GNPDA1: variants seen among roughly 807,000 people sequenced by gnomAD.
GNPDA1 encodes glucosamine-6-phosphate deaminase 1, also known as GNPDA 1.
GNPDA1 carries 24 observed loss-of-function variants against 28.5 expected under a neutral mutation model. That is an observed-to-expected ratio of 0.84 (90% CI 0.61 to 1.19). The LOEUF is 1.19. Among genes scored for constraint, GNPDA1 ranks in the 50% most tolerant of loss-of-function variants. The probability of loss-of-function intolerance (pLI) is 0.00; values close to 1 mark genes in which losing one functional copy is unlikely to be tolerated. For synonymous variants in GNPDA1, 147 were observed against 139.3 expected, an observed-to-expected ratio of 1.06 and a Z score of -0.39; for missense variants, 264 against 367.3, an observed-to-expected ratio of 0.72 and a Z score of 2.30.
In GNPDA1 at chr5:142,004,725, G is replaced by T. The variant is rs549321879; in HGVS notation, c.594+207C>A. The stretch of plus-strand genomic sequence containing the variant: ...GCAGTCAGCCAAAGGCACCAAAAAC[G>T]TGCTCAAGGGATTCACCTCACACTG... On this transcript the variant is annotated intron_variant, in intron 5 of 6. Transcript: ENST00000311337. The T allele has an allele frequency of 2.8e-5, 12 of 431,068 alleles. No individual in the cohort carries two copies. The East Asian group carries it at 3.5e-4, about 13-fold the overall frequency. The allele number at this position is 431,068 out of a possible 1,614,324, so 26.7% of individuals were successfully genotyped here.
At chr5:142,009,309 G>C (rs1017225461) in intron 2 of GNPDA1, among the ~76,000 whole-genome samples, 3 of 151,678 alleles carry the variant, frequency 2.0e-5, no homozygotes, top group African/African-American at 7.3e-5. Context: ...TTATTCTAAG[G>C]CTCCACAGAA....
Position 142,003,041 on chromosome 5 carries a change from C to A in GNPDA1, c.769+47G>T. The A allele has an allele frequency of 6.6e-7, 1 of 1,518,796 alleles. No homozygotes were observed. Among genetic ancestry groups the A allele is most frequent in the Non-Finnish European group, 9.0e-7 (1 of 1,109,958 alleles). 94.1% of individuals were successfully genotyped at this position (1,518,796 alleles called of 1,614,324 possible). ...AGCTGGATCTACTCCTTACTCCTAG[C>A]ACACCCTAAGCTTGACCACCTCCTC... On this transcript the variant is annotated intron_variant, in intron 6 of 6. Transcript: ENST00000311337. The surrounding 1 kb of genome is among the most constrained non-coding windows in gnomAD (Gnocchi z 4.0).
intron 2 of GNPDA1, among the ~76,000 whole-genome samples, chr5:142,010,901 A>G (rs1369226314): frequency 6.6e-6 from 1 of 152,098 alleles, no homozygotes; most frequent in East Asian, 1.9e-4. Context: ...TTCAAACTTC[A>G]GTGTCCATAC....
In GNPDA1 at chr5:142,005,112, G is replaced by A. The variant is rs202180877; in HGVS notation, c.414C>T (p.Ile138=). ...TGAAGGCAATGTGTCCATCAGGGCC[G>A]ATGCCTATAGGGAGAGAGCCCGTGC... ...AGGIELFVGG[I]GPDGHIAFNE... The change falls in exon 5 of 7, where the codon ATC becomes ATT. Residue 138 remains isoleucine, a synonymous_variant. Coordinates refer to ENST00000311337, the MANE Select transcript of GNPDA1 (RefSeq NM_005471.5). 68 of 1,601,102 alleles carry A rather than the reference G, an allele frequency of 4.2e-5. No individual in the cohort carries two copies. The Middle Eastern group carries it at 5.0e-4, about 12-fold the overall frequency.
intron 2 of GNPDA1, among the ~76,000 whole-genome samples, chr5:142,009,446 A>G (rs1755890622): frequency 6.6e-6 from 1 of 151,814 alleles, no homozygotes; most frequent in African/African-American, 2.4e-5. Flanking sequence ...CATCTAACAT[A>G]CTCTATATTT....
chr5:142,010,659 A>G (rs1450773435), intron 2 of GNPDA1, among the ~76,000 whole-genome samples: 1 of 150,952 alleles, frequency 6.6e-6, no homozygotes, highest in Non-Finnish European at 1.5e-5. Context: ...GACTACAGGC[A>G]TGTGCCACCA....
Position 142,006,242 on chromosome 5 carries a change from G to A in GNPDA1, c.311C>T (p.Thr104Ile), listed in dbSNP as rs1755801358. The change falls in exon 4 of 7, where the codon ACC becomes ATC. Residue 104 changes from threonine (T) to isoleucine (I), a missense_variant. Physicochemically the swap from Thr to Ile is moderately conservative, Grantham distance 89 (BLOSUM62 -1). Transcript: ENST00000311337. Reference protein sequence around the residue: ...FKHIDIHPENTHILDGNAVDL... With the variant: ...FKHIDIHPENIHILDGNAVDL... ...GACTGCATTCCCATCCAGAATGTGG[G>A]TGTTTTCTGGGTGGATGTCAATGTG... is the stretch of plus-strand genomic sequence containing the variant. 1.2e-6 allele frequency: 2 copies of A among 1,613,410 alleles called. No homozygotes were observed. Among genetic ancestry groups the A allele is most frequent in the Non-Finnish European group, 8.5e-7 (1 of 1,179,292 alleles).
intron 1 of GNPDA1, 137 bp from the exon 2 acceptor site, chr5:142,012,178 CTAT>C (rs147294175): frequency 0.066 from 55,482 of 846,620 alleles, 2,295 homozygotes; most frequent in Non-Finnish European, 0.079. Context: ...AAAGGCCTTT[CTAT>C]TCACAGAGGA....
chr5:142,002,314 A>G (rs1418049195), intron 6 of GNPDA1, among the ~76,000 whole-genome samples, 185 bp from the exon 7 acceptor site: 1 of 152,208 alleles, frequency 6.6e-6, no homozygotes, highest in African/African-American at 2.4e-5. Flanking sequence ...TGAGTACTAC[A>G]TTCATGGAAC....
chr5:142,010,980 C>T (rs896862146), intron 2 of GNPDA1, among the ~76,000 whole-genome samples: 1 of 151,866 alleles, frequency 6.6e-6, no homozygotes, highest in Non-Finnish European at 1.5e-5. Flanking sequence ...GACAGGGTCT[C>T]ACTGTCACCC....
At chr5:142,008,619 C>T (rs368768126) in intron 2 of GNPDA1, among the ~76,000 whole-genome samples, 23 of 152,094 alleles carry the variant, frequency 1.5e-4, no homozygotes, top group South Asian at 4.1e-4. Flanking sequence ...CCCAGCTACT[C>T]GGGAGGCTGA....
In GNPDA1 at chr5:142,004,931, C is replaced by A. The variant is rs1450407189; in HGVS notation, c.594+1G>T. The A allele has an allele frequency of 6.3e-7, 1 of 1,591,602 alleles. No homozygotes were observed. Among genetic ancestry groups the A allele is most frequent in the Admixed American group, 1.7e-5 (1 of 59,532 alleles). On this transcript the variant is annotated splice_donor_variant, in intron 5 of 6. Transcript: ENST00000311337. LOFTEE classifies it high-confidence loss of function. Reference sequence around the variant, plus strand: ...AGCTGGTGGGGCCCTTATGCCCTTACCTCTCTAGCATCCATGACAGTGCCC... The same window carrying A: ...AGCTGGTGGGGCCCTTATGCCCTTAACTCTCTAGCATCCATGACAGTGCCC...
rs980956769 is a variant in GNPDA1 at position 142,003,483 on chromosome 5, C to A, written c.595-221G>T. Among the ~76,000 whole-genome samples the A allele has an allele frequency of 6.6e-6, 1 of 152,178 alleles. No homozygotes were observed. On this transcript the variant is annotated intron_variant, in intron 5 of 6. Coordinates refer to ENST00000311337, the MANE Select transcript of GNPDA1 (RefSeq NM_005471.5). This position sits in a 1 kb window ranked among gnomAD's most constrained non-coding sequence, Gnocchi z 4.0. ...GCCCCAGGGGGTTAAATAACTTGCCCAGGGTCATTTATGACCCCAAAGTTC... is the reference window on the plus strand; with the variant it reads ...GCCCCAGGGGGTTAAATAACTTGCCAAGGGTCATTTATGACCCCAAAGTTC...
Position 142,001,878 on chromosome 5 carries a change from G to T in GNPDA1, c.*151C>A. 1 of 438,218 alleles carries T rather than the reference G, an allele frequency of 2.3e-6. No homozygotes were observed. The highest frequency in any genetic ancestry group is 6.7e-5 in the South Asian group (1 of 14,836). The allele number at this position is 438,218 out of a possible 1,614,324, so 27.1% of individuals were successfully genotyped here. On this transcript the variant is annotated 3_prime_UTR_variant, in exon 7 of 7. Transcript: ENST00000311337. ...CCCTATAGCTAAACTCCGTGACTAGGCTCCCAGCCTCATGGCCAAGAACAA... is the reference window on the plus strand; with the variant it reads ...CCCTATAGCTAAACTCCGTGACTAGTCTCCCAGCCTCATGGCCAAGAACAA...
intron 3 of GNPDA1, among the ~76,000 whole-genome samples, 155 bp from the exon 4 acceptor site, chr5:142,006,481 G>A (rs1044406512): frequency 1.1e-4 from 17 of 152,092 alleles, no homozygotes; most frequent in African/African-American, 1.4e-4. Context: ...CTAGCCACTC[G>A]GCACAGGCTG....
Position 142,003,029 on chromosome 5 carries a change from C to T in GNPDA1, c.769+59G>A, listed in dbSNP as rs1755715010. On this transcript the variant is annotated intron_variant, in intron 6 of 6. Transcript: ENST00000311337. This position sits in a 1 kb window ranked among gnomAD's most constrained non-coding sequence, Gnocchi z 4.0. ...CCAGAGGATGAAAGCTGGATCTACT[C>T]CTTACTCCTAGCACACCCTAAGCTT... 6.3e-6 allele frequency: 9 copies of T among 1,430,582 alleles called. No individual in the cohort carries two copies. The highest frequency in any genetic ancestry group is 3.9e-5 in the Admixed American group (2 of 51,062). 88.6% of individuals were successfully genotyped at this position (1,430,582 alleles called of 1,614,324 possible). A position where few individuals can be genotyped will look rare whatever the true frequency, so the allele number is the denominator to read the frequency against.
rs252114 is a variant in GNPDA1, at chr5:142,003,019, T to C, written c.769+69A>G. The C allele has an allele frequency of 0.86, 1,109,669 of 1,292,618 alleles. 477,556 individuals are homozygous for C. The highest frequency in any genetic ancestry group is 0.98 in the East Asian group (42,072 of 42,822). The allele number at this position is 1,292,618 out of a possible 1,614,324, so 80.1% of individuals were successfully genotyped here. A position where few individuals can be genotyped will look rare whatever the true frequency, so the allele number is the denominator to read the frequency against. ...ATTAAAATGACCAGAGGATGAAAGC[T>C]GGATCTACTCCTTACTCCTAGCACA... On this transcript the variant is annotated intron_variant, in intron 6 of 6. Transcript: ENST00000311337. This position sits in a 1 kb window ranked among gnomAD's most constrained non-coding sequence, Gnocchi z 4.0.
At chr5:142,005,422 C>T in intron 4 of GNPDA1, 3 of 233,260 alleles carry the variant, frequency 1.3e-5, no homozygotes, top group Non-Finnish European at 2.5e-5. Flanking sequence ...CAAACAGCTT[C>T]TGCCTCCCCA....
rs1755760450 is a variant in GNPDA1 at position 142,004,810 on chromosome 5, T to C, written c.594+122A>G. 11 of 596,250 alleles carry C rather than the reference T, an allele frequency of 1.8e-5. No individual in the cohort carries two copies. The Admixed American group carries it at 3.3e-4, about 18-fold the overall frequency. 36.9% of individuals were successfully genotyped at this position (596,250 alleles called of 1,614,324 possible). A position where few individuals can be genotyped will look rare whatever the true frequency, so the allele number is the denominator to read the frequency against. Reference sequence around the variant, plus strand: ...CAGTGAGTAACAGGGTCAGCAGGGATTTTAGCCTTATTTACCATGCCTTCA... The same window carrying C: ...CAGTGAGTAACAGGGTCAGCAGGGACTTTAGCCTTATTTACCATGCCTTCA... On this transcript the variant is annotated intron_variant, in intron 5 of 6. Transcript: ENST00000311337.
Sources: gnomAD v4.1 joint callset for allele counts (sites outside exome capture counted in the v4.1 genomes callset) on GRCh38, gnomAD v4.1.1 for gene constraint, Gnocchi (gnomAD v3.1) non-coding constraint, MANE v1.5 for transcripts, NCBI Gene and HGNC (gene_info 2026-07-23, HGNC 2026-07-21) for gene names.